The following LUZP1 variants were observed in gnomAD, a reference collection of about 807,000 sequenced individuals.
LUZP1 encodes filamin mechanobinding actin cross-linking protein.
Under a neutral mutation model 71.3 loss-of-function variants are expected in LUZP1, and 25 were observed. The ratio of observed to expected loss-of-function variants is 0.35; its 90% confidence interval spans 0.26 to 0.49. The LOEUF is 0.49. Among genes scored for constraint, LUZP1 ranks in the 20% least tolerant of loss-of-function variants. The pLI is 0.99. For missense variants in LUZP1, 1,142 were observed against 1,300.8 expected, an observed-to-expected ratio of 0.88 and a Z score of 1.88; for synonymous variants, 481 against 506.4, an observed-to-expected ratio of 0.95 and a Z score of 0.67.
intron 1 of LUZP1, among the ~76,000 whole-genome samples, chr1:23,175,210 A>G (rs1569730386): frequency 6.6e-6 from 1 of 152,290 alleles, no homozygotes; most frequent in African/African-American, 2.4e-5. Context: ...GCCCAAGTCC[A>G]GGAGGAAATG....
At chr1:23,149,339 G>C (rs1449166273) in intron 2 of LUZP1, among the ~76,000 whole-genome samples, 1 of 152,020 alleles carries the variant, frequency 6.6e-6, no homozygotes, top group African/African-American at 2.4e-5. Flanking sequence ...GTGCCAACAT[G>C]CTCCACCCTT....
At chr1:23,107,697 G>A (rs1643994559) in intron 3 of LUZP1, among the ~76,000 whole-genome samples, 1 of 152,174 alleles carries the variant, frequency 6.6e-6, no homozygotes, top group Non-Finnish European at 1.5e-5. Flanking sequence ...AGCTACTCGG[G>A]AGGCTGAGAC....
chr1:23,088,960 C>G lies in LUZP1; in HGVS notation c.3166G>C (p.Glu1056Gln), dbSNP rs766917807. The change falls in exon 5 of 5, where the codon GAG (glutamate) becomes CAG (glutamine). Residue 1056 changes from glutamate to glutamine, a missense_variant. Transcript: ENST00000302291. ...TCCTCGGCCCGTACTCGCCCAGACT[C>G]TGGCAGCCCCTGCTTCCCAGGCAGT... 1 of 1,614,210 alleles carries G rather than the reference C, an allele frequency of 6.2e-7. No homozygotes were observed. The highest frequency in any genetic ancestry group is 8.5e-7 in the Non-Finnish European group (1 of 1,180,034).
chr1:23,139,093 ATAGAT>A (rs1331858128), intron 2 of LUZP1, among the ~76,000 whole-genome samples: 1 of 143,296 alleles, frequency 7.0e-6, no homozygotes, highest in African/African-American at 2.6e-5. Context: ...GTGTATATAT[ATAGAT>A]TATATATAGA....
At chr1:23,090,063 T>A (rs1321966917) in intron 4 of LUZP1, among the ~76,000 whole-genome samples, 1 of 152,158 alleles carries the variant, frequency 6.6e-6, no homozygotes, top group Non-Finnish European at 1.5e-5. Context: ...TGGCCAGAAT[T>A]CTACCTTTTT....
chr1:23,092,691 A>C, exon 4 of LUZP1: 1 of 1,613,894 alleles, frequency 6.2e-7, no homozygotes. Flanking sequence ...AGCTCTACCC[A>C]ATGGGTCACT....
chr1:23,142,700 TACACACACAC>T lies in LUZP1; in HGVS notation c.-226+26056_-226+26065del, dbSNP rs60316911. Among the ~76,000 whole-genome samples, 405 of 104,372 alleles carry T rather than the reference TACACACACAC, an allele frequency of 3.9e-3. 2 individuals carry two copies. Among genetic ancestry groups the T allele is most frequent in the Middle Eastern group, 0.014 (3 of 220 alleles). The allele number at this position is 104,372 out of a possible 152,430, so 68.5% of individuals were successfully genotyped here. A position where few individuals can be genotyped will look rare whatever the true frequency, so the allele number is the denominator to read the frequency against. ...TGGGTGCATAAAATATATATATATATACACACACACACACACACACACACACACACACACA... is the reference window on the plus strand; with the variant it reads ...TGGGTGCATAAAATATATATATATATACACACACACACACACACACACACA... On this transcript the variant is annotated intron_variant, in intron 2 of 4. Coordinates refer to ENST00000302291, the Ensembl canonical transcript of LUZP1.
chr1:23,135,994 T>C (rs915133099), intron 2 of LUZP1, among the ~76,000 whole-genome samples: 1 of 152,142 alleles, frequency 6.6e-6, no homozygotes. Context: ...TCAATTCTGC[T>C]AGTACTTAAT....
chr1:23,171,991 A>G (rs905924677), intron 1 of LUZP1, among the ~76,000 whole-genome samples: 2 of 152,218 alleles, frequency 1.3e-5, no homozygotes, highest in African/African-American at 4.8e-5. Context: ...CTTACTAGTT[A>G]TGTAATCTTG....
rs1557653660 is a variant in LUZP1 at position 23,117,466 on chromosome 1, TCTCTCTCTCTCC to T, written c.-225-8351_-225-8340del. 1.7e-4 allele frequency among the ~76,000 whole-genome samples: 6 copies of T among 35,230 alleles called. No homozygotes were observed. In the East Asian group the frequency reaches 8.5e-3, roughly 50 times the overall value. 23.1% of individuals were successfully genotyped at this position (35,230 alleles called of 152,430 possible). A position where few individuals can be genotyped will look rare whatever the true frequency, so the allele number is the denominator to read the frequency against. ...TCTTTTTTTTTTTCCTCTCTCTCTCTCTCTCTCTCTCCCCCCCCCCCCCCCACAATCAGGAAG... is the reference window on the plus strand; with the variant it reads ...TCTTTTTTTTTTTCCTCTCTCTCTCTCCCCCCCCCCCCCACAATCAGGAAG... On this transcript the variant is annotated intron_variant, in intron 2 of 4. Coordinates refer to ENST00000302291, the Ensembl canonical transcript of LUZP1.
intron 2 of LUZP1, among the ~76,000 whole-genome samples, chr1:23,137,931 GT>G (rs1644267780): frequency 1.3e-5 from 2 of 152,186 alleles, no homozygotes; most frequent in African/African-American, 4.8e-5. Context: ...ATTGAAAAAT[GT>G]CCATCAACTA....
intron 2 of LUZP1, among the ~76,000 whole-genome samples, chr1:23,131,150 T>C (rs760609579): frequency 1.5e-5 from 2 of 130,532 alleles, no homozygotes; most frequent in Non-Finnish European, 3.1e-5. Flanking sequence ...ACCCGGGAGA[T>C]GGAGGTTGTA....
chr1:23,110,790 A>G lies in LUZP1; in HGVS notation c.-225-1663T>C, dbSNP rs531040736. ...GTAGTAACTCAAGCCTCAAGAGAAT[A>G]AAATTTGAAAAGAATTTTTTTTTGT... On this transcript the variant is annotated intron_variant, in intron 2 of 4. Transcript: ENST00000302291. 2.0e-5 allele frequency among the ~76,000 whole-genome samples: 3 copies of G among 152,320 alleles called. No homozygotes were observed. In the East Asian group the frequency reaches 5.8e-4, roughly 29 times the overall value.
intron 2 of LUZP1, among the ~76,000 whole-genome samples, chr1:23,145,505 T>C (rs1644336206): frequency 6.6e-6 from 1 of 151,272 alleles, no homozygotes; most frequent in East Asian, 1.9e-4. Context: ...GTCTTACTCT[T>C]GTTGCCCAGG....
At chr1:23,122,664 C>T (rs911685089) in intron 2 of LUZP1, among the ~76,000 whole-genome samples, 1 of 152,248 alleles carries the variant, frequency 6.6e-6, no homozygotes, top group Non-Finnish European at 1.5e-5. Context: ...GAAGAAACTA[C>T]TCTTTTTCTG....
intron 2 of LUZP1, among the ~76,000 whole-genome samples, chr1:23,119,877 T>A (rs762822930): frequency 3.9e-5 from 6 of 152,084 alleles, no homozygotes; most frequent in African/African-American, 1.4e-4. Flanking sequence ...CCCTTTCAAA[T>A]AACATTAAAT....
At chr1:23,147,713 C>G (rs1014449094) in intron 2 of LUZP1, among the ~76,000 whole-genome samples, 2 of 151,298 alleles carry the variant, frequency 1.3e-5, no homozygotes, top group African/African-American at 4.9e-5. Context: ...TTAGCTACTA[C>G]TGTTAATATT....
chr1:23,175,669 G>C (rs546307107), intron 1 of LUZP1, among the ~76,000 whole-genome samples: 4 of 152,240 alleles, frequency 2.6e-5, no homozygotes, highest in African/African-American at 9.6e-5. Flanking sequence ...ATAAGAAATG[G>C]CTGAGTGCCT....
At chr1:23,103,861 AGGGAGG>A (rs1643954102) in intron 3 of LUZP1, among the ~76,000 whole-genome samples, 2 of 4,620 alleles carry the variant, frequency 4.3e-4, no homozygotes, top group Admixed American at 1.4e-3. Context: ...GGAGGGAGGG[AGGGAGG>A]GAGGGAGGGA....
Sources: gnomAD v4.1 joint callset for allele counts (sites outside exome capture counted in the v4.1 genomes callset) on GRCh38, gnomAD v4.1.1 for gene constraint, MANE v1.5 for transcripts, NCBI Gene and HGNC (gene_info 2026-07-23, HGNC 2026-07-21) for gene names.